KCNQ1: variants seen among roughly 807,000 people sequenced by gnomAD.
KCNQ1 encodes potassium voltage-gated channel subfamily KQT member 1.
In KCNQ1, 49 loss-of-function variants were observed where a neutral mutation model predicts 72.4. The observed-to-expected ratio is 0.68, with a 90% CI of 0.54 to 0.86. The LOEUF (loss-of-function observed/expected upper bound fraction) is 0.86. Ranked by LOEUF, KCNQ1 falls within the 40% of genes least tolerant of loss-of-function variation. The pLI is 0.00. For missense variants in KCNQ1, 790 were observed against 945.1 expected (o/e 0.84, Z 2.15); for synonymous variants, 450 against 412.6 (o/e 1.09, Z -1.10).
In KCNQ1 at chr11:2,604,765, G is replaced by A. The variant is rs189581205; in HGVS notation, c.1393+15911G>A. Among the ~76,000 whole-genome samples the A allele has an allele frequency of 2.2e-3, 328 of 152,094 alleles. 11 individuals carry two copies. The highest frequency in any genetic ancestry group is 0.018 in the Admixed American group (279 of 15,288). On this transcript the variant is annotated intron_variant, in intron 10 of 15. Coordinates refer to ENST00000155840, the MANE Select transcript of KCNQ1 (RefSeq NM_000218.3). ...TTACCATGTTGGCCGAGATGGTCTCGATCTCCTGACCTCGTGATCCACCCG... is the reference window on the plus strand; with the variant it reads ...TTACCATGTTGGCCGAGATGGTCTCAATCTCCTGACCTCGTGATCCACCCG...
chr11:2,768,923 A>T lies in KCNQ1; in HGVS notation c.1590+4A>T. 6.2e-7 allele frequency: 1 copy of T among 1,612,654 alleles called. No homozygotes were observed. Among genetic ancestry groups the T allele is most frequent in the Non-Finnish European group, 8.5e-7 (1 of 1,178,858 alleles). On this transcript the variant is annotated splice_donor_region_variant and intron_variant, in intron 12 of 15. Coordinates refer to ENST00000155840, the MANE Select transcript of KCNQ1 (RefSeq NM_000218.3). This position sits in a 1 kb window ranked among gnomAD's most constrained non-coding sequence, Gnocchi z 6.7. ...TGTGGCCAAGAAGAAATTCCAGGTA[A>T]GCCCTGTGCTGAGCCTTCCTGCCCT...
rs895136846 is a variant in KCNQ1, at chr11:2,657,031, A to C, written c.1394-4930A>C. 3 of 398,472 alleles carry C rather than the reference A, an allele frequency of 7.5e-6. No homozygotes were observed. The highest frequency in any genetic ancestry group is 1.3e-5 in the Non-Finnish European group (3 of 226,074). The allele number at this position is 398,472 out of a possible 1,614,324, so 24.7% of individuals were successfully genotyped here. ...CACCTCTGATACACAGCAAGCTTCC[A>C]TATTTGTGTGGGCTGTTTCCCAATG... On this transcript the variant is annotated intron_variant, in intron 10 of 15. Coordinates refer to ENST00000155840, the MANE Select transcript of KCNQ1 (RefSeq NM_000218.3). This position sits in a 1 kb window ranked among gnomAD's most constrained non-coding sequence, Gnocchi z 4.8.
At chr11:2,513,286 A>G (rs1307393909) in intron 1 of KCNQ1, among the ~76,000 whole-genome samples, 1 of 152,152 alleles carries the variant, frequency 6.6e-6, no homozygotes, top group East Asian at 1.9e-4. Flanking sequence ...TGATATGGCC[A>G]CGCAGAGACT....
intron 15 of KCNQ1, among the ~76,000 whole-genome samples, chr11:2,806,314 A>AAGGG (rs1311008912): frequency 6.6e-6 from 1 of 152,132 alleles, no homozygotes; most frequent in East Asian, 1.9e-4. Flanking sequence ...GGGAGAGAGG[A>AAGGG]AGGGAGGGAG....
At position 2,539,851 on chromosome 11, in the gene KCNQ1, C is replaced by T. The variant is rs543186842; in HGVS notation, c.477+11833C>T. 5.3e-4 allele frequency among the ~76,000 whole-genome samples: 80 copies of T among 152,306 alleles called. 4 individuals are homozygous for T. In the South Asian group the frequency reaches 0.015, roughly 29 times the overall value. ...GAAAGAGCCTCATCAGTGAGTGCCA[C>T]GTTCGGTGGGGGTCTCTGGTGCAGG... On this transcript the variant is annotated intron_variant, in intron 2 of 15. Coordinates refer to ENST00000155840, the MANE Select transcript of KCNQ1 (RefSeq NM_000218.3).
rs35000098 is a variant in KCNQ1, at chr11:2,519,773, G to GC, written c.387-8146dup. Among the ~76,000 whole-genome samples, 63 of 92,412 alleles carry GC rather than the reference G, an allele frequency of 6.8e-4. No individual in the cohort carries two copies. The East Asian group carries it at 0.016, about 23-fold the overall frequency. 60.6% of individuals were successfully genotyped at this position (92,412 alleles called of 152,430 possible). A position where few individuals can be genotyped will look rare whatever the true frequency, so the allele number is the denominator to read the frequency against. Reference sequence around the variant, plus strand: ...TACTTACATAGTACAGCAGGTGTTGGCCCCCCCCCACAACATTGGTTTCCA... The same window carrying GC: ...TACTTACATAGTACAGCAGGTGTTGGCCCCCCCCCCACAACATTGGTTTCCA... On this transcript the variant is annotated intron_variant, in intron 1 of 15. Coordinates refer to ENST00000155840, the MANE Select transcript of KCNQ1 (RefSeq NM_000218.3).
At position 2,593,133 on chromosome 11, in the gene KCNQ1, A is replaced by G. The variant is rs943877824; in HGVS notation, c.1393+4279A>G. Among the ~76,000 whole-genome samples the G allele has an allele frequency of 2.0e-5, 3 of 152,028 alleles. No individual in the cohort carries two copies. The highest frequency in any genetic ancestry group is 7.2e-5 in the African/African-American group (3 of 41,388). On this transcript the variant is annotated intron_variant, in intron 10 of 15. Transcript: ENST00000155840. This position sits in a 1 kb window ranked among gnomAD's most constrained non-coding sequence, Gnocchi z 6.9. Reference sequence around the variant, plus strand: ...CCTTCCCAAGCTGGTACCATGCCTAACCCATGGTGGGTACACGATAAAAAT... The same window carrying G: ...CCTTCCCAAGCTGGTACCATGCCTAGCCCATGGTGGGTACACGATAAAAAT...
intron 10 of KCNQ1, among the ~76,000 whole-genome samples, chr11:2,590,405 G>A (rs954261942): frequency 1.3e-5 from 2 of 152,160 alleles, no homozygotes; most frequent in African/African-American, 4.8e-5. Flanking sequence ...CCCGTCCCAG[G>A]GCGTGGTCCC....
In KCNQ1 at chr11:2,620,212, T is replaced by TATATA. The variant is rs749794052; in HGVS notation, c.1393+31358_1393+31359insATATA. The TATATA allele has an allele frequency of 0.086, 17,216 of 201,330 alleles. 618 individuals carry two copies. The highest frequency in any genetic ancestry group is 0.16 in the African/African-American group (4,868 of 31,354). The allele number at this position is 201,330 out of a possible 1,614,324, so 12.5% of individuals were successfully genotyped here. On this transcript the variant is annotated intron_variant, in intron 10 of 15. Transcript: ENST00000155840. The surrounding 1 kb of genome is among the most constrained non-coding windows in gnomAD (Gnocchi z 4.5). ...AAGTTCATTCATGTATATATATATATTTTTTTTTTTTATTTTTTTTTTAGA... is the reference window on the plus strand; with the variant it reads ...AAGTTCATTCATGTATATATATATATATATATTTTTTTTTTTATTTTTTTTTTAGA...
At position 2,682,634 on chromosome 11, in the gene KCNQ1, C is replaced by CT. The variant is rs1443866896; in HGVS notation, c.1514+20553_1514+20554insT. On this transcript the variant is annotated intron_variant, in intron 11 of 15. Coordinates refer to ENST00000155840, the MANE Select transcript of KCNQ1 (RefSeq NM_000218.3). This position sits in a 1 kb window ranked among gnomAD's most constrained non-coding sequence, Gnocchi z 5.8. ...TTGAGAGCTCTTCTTCAGGCTCAGT[C>CT]ATCCCTGCTTCCCCAGGGCTCATGT... The CT allele has an allele frequency of 7.5e-6, 3 of 398,484 alleles. No homozygotes were observed. Among genetic ancestry groups the CT allele is most frequent in the African/African-American group, 2.1e-5 (1 of 48,602 alleles). 24.7% of individuals were successfully genotyped at this position (398,484 alleles called of 1,614,324 possible).
intron 1 of KCNQ1, among the ~76,000 whole-genome samples, chr11:2,472,582 G>A (rs929764515): frequency 5.3e-5 from 8 of 152,092 alleles, no homozygotes; most frequent in African/African-American, 1.2e-4. Flanking sequence ...CTCTGTCACT[G>A]AAAAAAGCAA....
chr11:2,572,511 C>T (rs1297096521), intron 5 of KCNQ1, among the ~76,000 whole-genome samples: 3 of 152,204 alleles, frequency 2.0e-5, no homozygotes, highest in Non-Finnish European at 4.4e-5. Flanking sequence ...GTGAGGGGAC[C>T]CTTCCTCTCC....
chr11:2,766,628 C>T lies in KCNQ1; in HGVS notation c.1515-2216C>T, dbSNP rs758374491. Among the ~76,000 whole-genome samples, 10 of 152,162 alleles carry T rather than the reference C, an allele frequency of 6.6e-5. No individual in the cohort carries two copies. The highest frequency in any genetic ancestry group is 4.1e-4 in the South Asian group (2 of 4,832). On this transcript the variant is annotated intron_variant, in intron 11 of 15. Coordinates refer to ENST00000155840, the MANE Select transcript of KCNQ1 (RefSeq NM_000218.3). The surrounding 1 kb of genome is among the most constrained non-coding windows in gnomAD (Gnocchi z 4.4). ...AGTCTGCCCTCTGGCCATAACTTTT[C>T]GCATTCTCCCCTATGCAAAATTCAC...
At chr11:2,590,025 A>T (rs372296319) in intron 10 of KCNQ1, among the ~76,000 whole-genome samples, 70 of 152,174 alleles carry the variant, frequency 4.6e-4, no homozygotes, top group African/African-American at 1.7e-3. Flanking sequence ...GGGAGCTCCA[A>T]CTTCTCTTGC....
intron 11 of KCNQ1, chr11:2,686,780 C>A: frequency 2.5e-6 from 1 of 398,668 alleles, no homozygotes; most frequent in Non-Finnish European, 4.4e-6. Flanking sequence ...CTGTGATACA[C>A]TATGATGCAC....
At position 2,646,334 on chromosome 11, in the gene KCNQ1, G is replaced by T; in HGVS notation, c.1394-15627G>T. The T allele has an allele frequency of 7.5e-6, 3 of 398,500 alleles. No individual in the cohort carries two copies. In the South Asian group the frequency reaches 3.8e-4, roughly 51 times the overall value. The allele number at this position is 398,500 out of a possible 1,614,324, so 24.7% of individuals were successfully genotyped here. A position where few individuals can be genotyped will look rare whatever the true frequency, so the allele number is the denominator to read the frequency against. On this transcript the variant is annotated intron_variant, in intron 10 of 15. Transcript: ENST00000155840. The stretch of plus-strand genomic sequence containing the variant: ...TTTTAACATTTTTCTTTCAATCCAT[G>T]AGCATGGGATGTCTCAAAAAATTTT...
At position 2,627,578 on chromosome 11, in the gene KCNQ1, A is replaced by G; in HGVS notation, c.1394-34383A>G. 1 of 398,310 alleles carries G rather than the reference A, an allele frequency of 2.5e-6. No individual in the cohort carries two copies. The highest frequency in any genetic ancestry group is 3.6e-5 in the East Asian group (1 of 28,066). 24.7% of individuals were successfully genotyped at this position (398,310 alleles called of 1,614,324 possible). ...TTGTCTTTCTGTGTCTGGCTATTTCACTTAGCATAATATCCTCCAGGTTCA... is the reference window on the plus strand; with the variant it reads ...TTGTCTTTCTGTGTCTGGCTATTTCGCTTAGCATAATATCCTCCAGGTTCA... On this transcript the variant is annotated intron_variant, in intron 10 of 15. Transcript: ENST00000155840. This position sits in a 1 kb window ranked among gnomAD's most constrained non-coding sequence, Gnocchi z 4.9.
Position 2,541,146 on chromosome 11 carries a change from A to AC in KCNQ1, c.477+13133dup, listed in dbSNP as rs35547942. On this transcript the variant is annotated intron_variant, in intron 2 of 15. Transcript: ENST00000155840. This position sits in a 1 kb window ranked among gnomAD's most constrained non-coding sequence, Gnocchi z 4.8. ...GGACCTCAGGCAGGCAGGGAGAGAG[A>AC]CCCCCTTGGGGCCGCGTTCCATTTG... 5.9e-5 allele frequency among the ~76,000 whole-genome samples: 9 copies of AC among 152,306 alleles called. No individual in the cohort carries two copies. The highest frequency in any genetic ancestry group is 1.9e-4 in the African/African-American group (8 of 41,560).
chr11:2,654,585 G>A lies in KCNQ1; in HGVS notation c.1394-7376G>A. 1 of 398,738 alleles carries A rather than the reference G, an allele frequency of 2.5e-6. No individual in the cohort carries two copies. Among genetic ancestry groups the A allele is most frequent in the Non-Finnish European group, 4.4e-6 (1 of 226,204 alleles). The allele number at this position is 398,738 out of a possible 1,614,324, so 24.7% of individuals were successfully genotyped here. ...GATTTTAATCAATCAGGAGGGGAAG[G>A]GCAGGGGGTGAGTGGTTGGGTGAAG... is the stretch of plus-strand genomic sequence containing the variant. On this transcript the variant is annotated intron_variant, in intron 10 of 15. Transcript: ENST00000155840. This position sits in a 1 kb window ranked among gnomAD's most constrained non-coding sequence, Gnocchi z 6.4.
Sources: gnomAD v4.1 joint callset for allele counts (sites outside exome capture counted in the v4.1 genomes callset) on GRCh38, gnomAD v4.1.1 for gene constraint, Gnocchi (gnomAD v3.1) non-coding constraint, MANE v1.5 for transcripts, NCBI Gene and HGNC (gene_info 2026-07-23, HGNC 2026-07-21) for gene names.